The following NUF2 variants were observed in gnomAD, a reference collection of about 807,000 sequenced individuals.
The protein encoded by NUF2 is NUF2 component of NDC80 kinetochore complex.
In NUF2, 34 loss-of-function variants were observed where a neutral mutation model predicts 61.8. That is an observed-to-expected ratio of 0.55 (90% CI 0.42 to 0.73). The LOEUF is 0.73. Among genes scored for constraint, NUF2 ranks in the 30% least tolerant of loss-of-function variants. The probability of loss-of-function intolerance (pLI) is 0.00; values close to 1 mark genes in which losing one functional copy is unlikely to be tolerated. For synonymous variants in NUF2, 172 were observed against 181.6 expected, an observed-to-expected ratio of 0.95 and a Z score of 0.42; for missense variants, 445 against 539.1, an observed-to-expected ratio of 0.83 and a Z score of 1.73.
chr1:163,342,730 G>A (rs921836935), intron 9 of NUF2, among the ~76,000 whole-genome samples: 1 of 152,024 alleles, frequency 6.6e-6, no homozygotes, highest in African/African-American at 2.4e-5. Context: ...AGACAGAGAA[G>A]GGTACGAAAT....
intron 1 of NUF2, among the ~76,000 whole-genome samples, chr1:163,324,558 C>T (rs2101663004): frequency 6.6e-6 from 1 of 152,192 alleles, no homozygotes; most frequent in Non-Finnish European, 1.5e-5. Flanking sequence ...GAATTGTGGC[C>T]CATTTCAATT....
intron 6 of NUF2, among the ~76,000 whole-genome samples, chr1:163,337,517 C>A (rs1036348194): frequency 6.6e-6 from 1 of 152,054 alleles, no homozygotes; most frequent in Non-Finnish European, 1.5e-5. Flanking sequence ...AACCTTATAA[C>A]TCCTAAACAT....
intron 5 of NUF2, among the ~76,000 whole-genome samples, chr1:163,333,516 A>T (rs1371168418): frequency 6.6e-6 from 1 of 151,768 alleles, no homozygotes; most frequent in Non-Finnish European, 1.5e-5. Context: ...TGGTCTATTA[A>T]AATAAATTTT....
chr1:163,343,704 T>A (rs756064805), intron 9 of NUF2, 29 bp from the exon 10 acceptor site: 2 of 1,094,212 alleles, frequency 1.8e-6, no homozygotes, highest in Non-Finnish European at 1.2e-6. Flanking sequence ...GTTTATTATA[T>A]CTAATATATA....
intron 9 of NUF2, 46 bp from the exon 10 acceptor site, chr1:163,343,687 T>C: frequency 1.1e-6 from 1 of 944,108 alleles, no homozygotes; most frequent in Non-Finnish European, 1.5e-6. Flanking sequence ...GAATGGTAAA[T>C]CACCAAGTTT....
chr1:163,328,802 G>T (rs775732286), intron 4 of NUF2, 44 bp from the exon 5 acceptor site: 6 of 1,180,764 alleles, frequency 5.1e-6, no homozygotes, highest in Non-Finnish European at 7.6e-6. Context: ...AGCATTTAAT[G>T]TGCAAAATAC....
At chr1:163,355,030 A>C (rs1651442624) in intron 13 of NUF2, among the ~76,000 whole-genome samples, 1 of 152,064 alleles carries the variant, frequency 6.6e-6, no homozygotes, top group Admixed American at 6.5e-5. Flanking sequence ...TTTAACATGG[A>C]AAGCTCTAAA....
At chr1:163,334,186 T>A (rs989130767) in intron 5 of NUF2, among the ~76,000 whole-genome samples, 1 of 152,220 alleles carries the variant, frequency 6.6e-6, no homozygotes, top group African/African-American at 2.4e-5. Flanking sequence ...CTCTGGTATA[T>A]GCATACCACA....
At chr1:163,336,718 G>A in intron 5 of NUF2, 33 bp from the exon 6 acceptor site, 1 of 1,316,626 alleles carries the variant, frequency 7.6e-7, no homozygotes, top group Admixed American at 1.7e-5. Flanking sequence ...TTAGTTCAAA[G>A]GTTTATTTAA....
chr1:163,326,362 A>G (rs906162684), intron 2 of NUF2, among the ~76,000 whole-genome samples, 188 bp downstream of exon 2: 23 of 151,870 alleles, frequency 1.5e-4, no homozygotes, highest in East Asian at 1.9e-4. Flanking sequence ...GGTGACTTCT[A>G]CATTCCCATT....
At chr1:163,328,573 T>TTCTTAAAAGAGTCTTAGTG (rs1365401457) in intron 4 of NUF2, 9 of 506,436 alleles carry the variant, frequency 1.8e-5, no homozygotes, top group African/African-American at 1.8e-4. Context: ...GAGGTTTGAG[T>TTCTTAAAAGAGTCTTAGTG]TCTTAAAAGA....
rs1253258544 is a variant in NUF2 at position 163,327,510 on chromosome 1, A to G, written c.146A>G (p.Tyr49Cys). The G allele has an allele frequency of 6.2e-7, 1 of 1,611,958 alleles. No homozygotes were observed. The highest frequency in any genetic ancestry group is 8.5e-7 in the Non-Finnish European group (1 of 1,178,202). Residue 49 changes from tyrosine (Y) to cysteine (C), a missense_variant, in exon 3 of 14, where the codon TAC becomes TGC. Physicochemically the swap from Tyr to Cys is radical, Grantham distance 194. Coordinates refer to ENST00000271452, the MANE Select transcript of NUF2 (RefSeq NM_145697.3). ...NPKPEVLHMI[Y>C]MRALQIVYGI... Reference sequence around the variant, plus strand: ...TAGCCTGAAGTCTTGCACATGATCTACATGAGAGCCTTACAAATAGTATAT... The same window carrying G: ...TAGCCTGAAGTCTTGCACATGATCTGCATGAGAGCCTTACAAATAGTATAT...
At chr1:163,334,291 C>G (rs1327659186) in intron 5 of NUF2, among the ~76,000 whole-genome samples, 2 of 152,082 alleles carry the variant, frequency 1.3e-5, no homozygotes, top group Admixed American at 1.3e-4. Flanking sequence ...GTGCATTAAT[C>G]TTTTTGATAT....
At chr1:163,327,956 G>T (rs61812216) in intron 3 of NUF2, 4 of 377,392 alleles carry the variant, frequency 1.1e-5, no homozygotes, top group Non-Finnish European at 1.9e-5. Flanking sequence ...TTGAAATGAG[G>T]CAACTGAGCT....
intron 10 of NUF2, among the ~76,000 whole-genome samples, chr1:163,344,990 A>C (rs912134005): frequency 1.3e-5 from 2 of 152,142 alleles, no homozygotes; most frequent in African/African-American, 4.8e-5. Flanking sequence ...TTAGGAGAAC[A>C]CTTATATAAT....
chr1:163,323,635 C>G (rs940376209), intron 1 of NUF2, among the ~76,000 whole-genome samples: 2 of 152,052 alleles, frequency 1.3e-5, no homozygotes, highest in Non-Finnish European at 2.9e-5. Flanking sequence ...AGGAGGATAG[C>G]TTGAGCCTGG....
rs1650239759 is a variant in NUF2, at chr1:163,322,069, G to A, written c.-164G>A. On this transcript the variant is annotated 5_prime_UTR_variant, in exon 1 of 14. Transcript: ENST00000271452. ...CCTGTCGGCGGCCGGCACTGTAGGT[G>A]AGCGCGAGAGGACGGAGGAAGGAAG... The A allele has an allele frequency of 6.6e-6, 1 of 152,244 alleles. No individual in the cohort carries two copies. Among genetic ancestry groups the A allele is most frequent in the South Asian group, 2.1e-4 (1 of 4,832 alleles). 9.4% of individuals were successfully genotyped at this position (152,244 alleles called of 1,614,324 possible). A position where few individuals can be genotyped will look rare whatever the true frequency, so the allele number is the denominator to read the frequency against.
intron 6 of NUF2, 54 bp from the exon 7 acceptor site, chr1:163,337,966 A>C: frequency 1.5e-6 from 2 of 1,331,120 alleles, no homozygotes; most frequent in Non-Finnish European, 2.2e-6. Flanking sequence ...CATTTTGGAC[A>C]CACTGATTGT....
chr1:163,324,414 T>A (rs926267081), intron 1 of NUF2, among the ~76,000 whole-genome samples: 1 of 152,204 alleles, frequency 6.6e-6, no homozygotes, highest in African/African-American at 2.4e-5. Flanking sequence ...CATGTTCAAG[T>A]TGAATTGGGA....
Sources: gnomAD v4.1 joint callset for allele counts (sites outside exome capture counted in the v4.1 genomes callset) on GRCh38, gnomAD v4.1.1 for gene constraint, MANE v1.5 for transcripts, NCBI Gene and HGNC (gene_info 2026-07-23, HGNC 2026-07-21) for gene names.